Variants in ANK1 observed in about 807,000 individuals in gnomAD.
ANK1 encodes the protein ankyrin 1.
A neutral mutation model predicts 210.4 loss-of-function variants in ANK1; 51 were observed. That is an observed-to-expected ratio of 0.24 (90% CI 0.19 to 0.31). The LOEUF is 0.31. ANK1 is among the 10% of genes least tolerant of loss of function. ANK1 has a pLI of 1.00. For synonymous variants in ANK1, 967 were observed against 1,025.9 expected (o/e 0.94, Z 1.10); for missense variants, 2,051 against 2,504.4 (o/e 0.82, Z 3.86).
chr8:41,876,979 C>A lies in ANK1; in HGVS notation c.126+19376G>T, dbSNP rs112872322. On this transcript the variant is annotated intron_variant, in intron 1 of 42. Coordinates refer to the ANK1 transcript ENST00000265709. ...TCAGGATAACTTCTGTGACCATCTT[C>A]AAAATAAATAAATAAATAAATAAGA... Among the ~76,000 whole-genome samples the A allele has an allele frequency of 7.8e-3, 1,187 of 152,186 alleles. 11 individuals carry two copies. Among genetic ancestry groups the A allele is most frequent in the African/African-American group, 0.027 (1,101 of 41,490 alleles).
chr8:41,661,049 T>C, intron 42 of ANK1: 1 of 263,426 alleles, frequency 3.8e-6, no homozygotes, highest in Non-Finnish European at 7.4e-6. Context: ...GCTTTTTTTT[T>C]TCTTTTTTTT....
At position 41,698,106 on chromosome 8, in the gene ANK1, G is replaced by T; in HGVS notation, c.2574C>A (p.Ala858=). ...GCATGGCACAGGGAATCCTGGGGAT[G>T]GCTGGAGATTCCACCCTGCGTGCCA... is the stretch of plus-strand genomic sequence containing the variant. The part of the protein sequence containing the change: ...PKLDQVVESP[A]IPRIPCAMPE... The change falls in exon 24 of 43, where the codon GCC becomes GCA. Residue 858 remains alanine, a synonymous_variant. Transcript: ENST00000289734. 1 of 1,614,110 alleles carries T rather than the reference G, an allele frequency of 6.2e-7. No homozygotes were observed. The highest frequency in any genetic ancestry group is 8.5e-7 in the Non-Finnish European group (1 of 1,180,034).
chr8:41,731,839 C>G (rs1409827756), intron 3 of ANK1, among the ~76,000 whole-genome samples: 2 of 152,268 alleles, frequency 1.3e-5, no homozygotes, highest in Non-Finnish European at 2.9e-5. Flanking sequence ...CCCTTGAAGG[C>G]ACGCCAGGGC....
chr8:41,724,649 G>C (rs1830212811), intron 6 of ANK1, 95 bp from the exon 7 acceptor site: 3 of 1,125,910 alleles, frequency 2.7e-6, no homozygotes, highest in Non-Finnish European at 3.9e-6. Flanking sequence ...TGGGGCAACA[G>C]GACTTTACAG....
rs373375317 is a variant in ANK1, at chr8:41,741,207, T to C, written c.130-7138A>G. On this transcript the variant is annotated intron_variant, in intron 2 of 42. Transcript: ENST00000289734. ...ATAAAAATAAAGGTGAGAGGGTCTG[T>C]TTTTGCTTCACATGAGGGAAAGATC... is the stretch of plus-strand genomic sequence containing the variant. 9.9e-4 allele frequency among the ~76,000 whole-genome samples: 151 copies of C among 152,222 alleles called. 1 individual carries two copies. In the Middle Eastern group the frequency reaches 0.01, roughly 10 times the overall value.
intron 35 of ANK1, 92 bp downstream of exon 35, chr8:41,688,064 A>G: frequency 7.1e-7 from 1 of 1,405,046 alleles, no homozygotes; most frequent in Non-Finnish European, 1.0e-6. Context: ...TGATAAAAGG[A>G]GGGTTAGAAA....
chr8:41,886,869 G>T (rs952541904), intron 1 of ANK1, among the ~76,000 whole-genome samples: 3 of 152,188 alleles, frequency 2.0e-5, no homozygotes, highest in Non-Finnish European at 4.4e-5. Flanking sequence ...GATCTGATTT[G>T]CATTTTTGGA....
intron 1 of ANK1, among the ~76,000 whole-genome samples, chr8:41,793,830 G>A (rs1310546682): frequency 6.6e-6 from 1 of 152,170 alleles, no homozygotes; most frequent in African/African-American, 2.4e-5. Flanking sequence ...AATATAACCA[G>A]TGGTAAATTA....
At chr8:41,827,280 C>T (rs1213996693) in intron 1 of ANK1, among the ~76,000 whole-genome samples, 1 of 152,220 alleles carries the variant, frequency 6.6e-6, no homozygotes, top group Admixed American at 6.5e-5. Context: ...AAGTACAGGA[C>T]TCACATCTTG....
At chr8:41,671,142 G>A (rs975274124) in intron 38 of ANK1, among the ~76,000 whole-genome samples, 3 of 152,182 alleles carry the variant, frequency 2.0e-5, no homozygotes, top group African/African-American at 2.4e-5. Flanking sequence ...CTGACCTGCC[G>A]ACGCTGCTTT....
At chr8:41,761,611 G>A (rs1025910756) in intron 1 of ANK1, among the ~76,000 whole-genome samples, 14 of 152,150 alleles carry the variant, frequency 9.2e-5, no homozygotes, top group African/African-American at 3.1e-4. Flanking sequence ...GTAGTGTCAA[G>A]CCACTAAGTG....
chr8:41,711,693 T>C (rs1162784679), intron 16 of ANK1, among the ~76,000 whole-genome samples: 2 of 152,234 alleles, frequency 1.3e-5, no homozygotes, highest in Non-Finnish European at 2.9e-5. Context: ...ACTTTCTAGG[T>C]ATTTTTGTCA....
At chr8:41,679,222 T>C (rs1258987912) in intron 37 of ANK1, among the ~76,000 whole-genome samples, 2 of 152,236 alleles carry the variant, frequency 1.3e-5, no homozygotes, top group Non-Finnish European at 2.9e-5. Flanking sequence ...ACATTGCGAA[T>C]TTTACCTTGT....
intron 1 of ANK1, among the ~76,000 whole-genome samples, chr8:41,851,698 CA>C (rs146630054): frequency 2.6e-5 from 4 of 152,078 alleles, no homozygotes; most frequent in Non-Finnish European, 5.9e-5. Flanking sequence ...AAAGAAATTT[CA>C]AAAAAACCAT....
intron 38 of ANK1, among the ~76,000 whole-genome samples, chr8:41,669,124 G>A (rs188184893): frequency 9.6e-4 from 137 of 142,366 alleles, no homozygotes; most frequent in Non-Finnish European, 1.7e-3. Context: ...GGAGCACCCC[G>A]GGGTGCAGTT....
In ANK1 at chr8:41,694,866, G is replaced by C; in HGVS notation, c.3116-63C>G. ...CAGGCACAGGTTCAGGACTTCCAGG[G>C]GCCCCAGAGTCTCCTTGTCCCCAAG... On this transcript the variant is annotated intron_variant, in intron 27 of 42. Transcript: ENST00000289734. The surrounding 1 kb of genome is among the most constrained non-coding windows in gnomAD (Gnocchi z 5.7). The C allele has an allele frequency of 6.5e-7, 1 of 1,550,004 alleles. No homozygotes were observed. Among genetic ancestry groups the C allele is most frequent in the South Asian group, 1.1e-5 (1 of 88,606 alleles).
chr8:41,768,700 G>A (rs970805482), intron 1 of ANK1, among the ~76,000 whole-genome samples: 1 of 151,984 alleles, frequency 6.6e-6, no homozygotes, highest in Non-Finnish European at 1.5e-5. Flanking sequence ...GATCTTGAAG[G>A]ATCATAATCC....
chr8:41,669,746 C>T (rs1351990147), intron 38 of ANK1, among the ~76,000 whole-genome samples: 1 of 152,180 alleles, frequency 6.6e-6, no homozygotes, highest in African/African-American at 2.4e-5. Flanking sequence ...GCACGGCCAC[C>T]GCTGCCGTCC....
intron 1 of ANK1, among the ~76,000 whole-genome samples, chr8:41,804,906 A>AGTT (rs1359671891): frequency 6.6e-6 from 1 of 152,232 alleles, no homozygotes; most frequent in Admixed American, 6.5e-5. Flanking sequence ...GTTAAACAAC[A>AGTT]GATGCTTAAT....
Sources: gnomAD v4.1 joint callset for allele counts (sites outside exome capture counted in the v4.1 genomes callset) on GRCh38, gnomAD v4.1.1 for gene constraint, Gnocchi (gnomAD v3.1) non-coding constraint, MANE v1.5 for transcripts, NCBI Gene and HGNC (gene_info 2026-07-23, HGNC 2026-07-21) for gene names.